Variants in RGS22 observed in about 807,000 individuals in gnomAD.
RGS22 encodes regulator of G protein signaling 22.
In RGS22, 148 loss-of-function variants were observed where a neutral mutation model predicts 172.9. The ratio of observed to expected loss-of-function variants is 0.86; its 90% confidence interval spans 0.75 to 0.98. The LOEUF (loss-of-function observed/expected upper bound fraction) is 0.98, where lower values mean the gene tolerates loss of function less well. Among genes scored for constraint, RGS22 ranks in the 50% least tolerant of loss-of-function variants. RGS22 has a pLI of 0.00. For missense variants in RGS22, 1,347 were observed against 1,440.8 expected (o/e 0.93, Z 1.05); for synonymous variants, 458 against 480.2 (o/e 0.95, Z 0.60).
chr8:99,983,167 G>A (rs914835866), intron 21 of RGS22, among the ~76,000 whole-genome samples: 5 of 152,082 alleles, frequency 3.3e-5, no homozygotes, highest in South Asian at 2.1e-4. Context: ...AGTCTTCCAC[G>A]GTGTATATGT....
chr8:100,018,455 G>T (rs1324867906), intron 14 of RGS22, among the ~76,000 whole-genome samples: 1 of 151,902 alleles, frequency 6.6e-6, no homozygotes, highest in Non-Finnish European at 1.5e-5. Context: ...CACAAAAGAG[G>T]GTAGGGGAAG....
intron 23 of RGS22, among the ~76,000 whole-genome samples, chr8:99,977,669 T>C (rs796773022): frequency 5.9e-5 from 9 of 152,326 alleles, no homozygotes; most frequent in African/African-American, 2.2e-4. Flanking sequence ...GGAACGTTAT[T>C]GCAGCGGATG....
At chr8:100,035,111 T>A (rs867865642) in intron 14 of RGS22, among the ~76,000 whole-genome samples, 2 of 151,972 alleles carry the variant, frequency 1.3e-5, no homozygotes, top group Admixed American at 1.3e-4. Flanking sequence ...ACAAATGGGA[T>A]CTAATTAAAC....
At chr8:100,096,370 G>T (rs1354471982) in intron 2 of RGS22, among the ~76,000 whole-genome samples, 2 of 152,176 alleles carry the variant, frequency 1.3e-5, no homozygotes, top group Non-Finnish European at 2.9e-5. Context: ...ATTCTCTGTT[G>T]AATGAAGGTA....
intron 13 of RGS22, among the ~76,000 whole-genome samples, chr8:100,039,485 T>C (rs1819876308): frequency 6.6e-6 from 1 of 151,606 alleles, no homozygotes; most frequent in African/African-American, 2.4e-5. Context: ...CAAGTGATTC[T>C]CCCACCTCAG....
At chr8:100,099,321 T>C (rs1813282021) in intron 2 of RGS22, among the ~76,000 whole-genome samples, 1 of 152,174 alleles carries the variant, frequency 6.6e-6, no homozygotes, top group Non-Finnish European at 1.5e-5. Context: ...TTTCTCCTTG[T>C]ACAAAGATAC....
intron 9 of RGS22, among the ~76,000 whole-genome samples, chr8:100,055,041 G>T (rs1822102572): frequency 1.3e-5 from 2 of 152,174 alleles, no homozygotes; most frequent in Admixed American, 6.5e-5. Context: ...CCTGACTCCT[G>T]GATGGCACCT....
At chr8:99,974,672 C>T (rs1418211032) in intron 23 of RGS22, among the ~76,000 whole-genome samples, 1 of 151,398 alleles carries the variant, frequency 6.6e-6, no homozygotes, top group African/African-American at 2.4e-5. Flanking sequence ...GCAACAGGTG[C>T]CTGTAATCTC....
chr8:100,078,714 C>T (rs1256770205), intron 4 of RGS22, among the ~76,000 whole-genome samples: 1 of 152,108 alleles, frequency 6.6e-6, no homozygotes, highest in Non-Finnish European at 1.5e-5. Context: ...CAGCCTTAAC[C>T]TCTCCAGGCT....
At chr8:99,973,242 T>TTGC (rs1375806197) in intron 23 of RGS22, among the ~76,000 whole-genome samples, 2 of 152,054 alleles carry the variant, frequency 1.3e-5, no homozygotes, top group African/African-American at 4.8e-5. Flanking sequence ...CTATTCACAA[T>TTGC]AGCAAAGACT....
chr8:100,008,524 C>T lies in RGS22; in HGVS notation c.2212G>A (p.Gly738Arg), dbSNP rs1245246325. 7 of 1,611,918 alleles carry T rather than the reference C, an allele frequency of 4.3e-6. No individual in the cohort carries two copies. The highest frequency in any genetic ancestry group is 1.7e-4 in the Middle Eastern group (1 of 6,054). Residue 738 changes from glycine to arginine, a missense_variant, in exon 15 of 28, where the codon GGA (glycine) becomes AGA (arginine). Transcript: ENST00000360863. ...YVAPSATLDIGLQQEKKKEIY... is the reference protein window; with the variant it reads ...YVAPSATLDIRLQQEKKKEIY... ...TCTTTTTTCTTTTCCTGTTGGAGTC[C>T]AATGTCAAGAGTGGCAGAAGGAGCA... is the stretch of plus-strand genomic sequence containing the variant.
In RGS22 at chr8:100,004,115, T is replaced by A; in HGVS notation, c.2455-17A>T. The A allele has an allele frequency of 6.4e-7, 1 of 1,569,662 alleles. No homozygotes were observed. The highest frequency in any genetic ancestry group is 8.6e-7 in the Non-Finnish European group (1 of 1,158,424). ...AGTGGTGTCCTAGTGAAATAGTACT[T>A]TTCAGCAAAAATCTCTTAAACACAA... On this transcript the variant is annotated splice_polypyrimidine_tract_variant and intron_variant, in intron 16 of 27. Transcript: ENST00000360863.
chr8:100,064,037 A>C lies in RGS22; in HGVS notation c.731T>G (p.Phe244Cys), dbSNP rs1810359203. 46 of 1,504,738 alleles carry C rather than the reference A, an allele frequency of 3.1e-5. No homozygotes were observed. Among genetic ancestry groups the C allele is most frequent in the Non-Finnish European group, 4.0e-5 (45 of 1,132,154 alleles). 93.2% of individuals were successfully genotyped at this position (1,504,738 alleles called of 1,614,324 possible). Residue 244 changes from phenylalanine (F) to cysteine (C), a missense_variant, in exon 8 of 28, where the codon TTT (phenylalanine) becomes TGT (cysteine). Phe to Cys is a radical substitution (Grantham distance 205). Coordinates refer to ENST00000360863, the MANE Select transcript of RGS22 (RefSeq NM_015668.5). Reference sequence around the variant, plus strand: ...AGGGTGAACTCCATCATCAAAGATAAAATTCTCTGTATTAAGTCATAAAAA... The same window carrying C: ...AGGGTGAACTCCATCATCAAAGATACAATTCTCTGTATTAAGTCATAAAAA... Reference protein sequence around the residue: ...SPAISSVSENFIFDDGVHPRT... With the variant: ...SPAISSVSENCIFDDGVHPRT...
chr8:99,996,031 T>C (rs1461257559), intron 20 of RGS22, among the ~76,000 whole-genome samples: 1 of 150,696 alleles, frequency 6.6e-6, no homozygotes, highest in Non-Finnish European at 1.5e-5. Context: ...AAACACTGCA[T>C]GTTATCACTC....
At chr8:100,018,960 GAATTT>G (rs1817310385) in intron 14 of RGS22, among the ~76,000 whole-genome samples, 1 of 144,072 alleles carries the variant, frequency 6.9e-6, no homozygotes, top group Admixed American at 7.1e-5. Context: ...TGTGTTTATT[GAATTT>G]ATTGTTTTTA....
At chr8:99,992,298 C>T (rs996565992) in intron 20 of RGS22, among the ~76,000 whole-genome samples, 22 of 151,998 alleles carry the variant, frequency 1.4e-4, no homozygotes, top group African/African-American at 2.7e-4. Flanking sequence ...GGCTAAATGC[C>T]GCAATTAAAA....
chr8:100,052,689 A>G, intron 10 of RGS22, 113 bp downstream of exon 10: 1 of 1,000,902 alleles, frequency 1.0e-6, no homozygotes, highest in Non-Finnish European at 1.5e-6. Flanking sequence ...CAGCTTGTAC[A>G]TTAGCAAAAA....
chr8:100,045,046 G>A (rs1277034568), intron 11 of RGS22, among the ~76,000 whole-genome samples: 1 of 151,994 alleles, frequency 6.6e-6, no homozygotes, highest in Non-Finnish European at 1.5e-5. Flanking sequence ...ACTTTGGGAG[G>A]TGGGAGGATT....
Position 99,998,749 on chromosome 8 carries a change from C to T in RGS22, c.2949+513G>A, listed in dbSNP as rs1350648404. Among the ~76,000 whole-genome samples, 12 of 152,246 alleles carry T rather than the reference C, an allele frequency of 7.9e-5. No homozygotes were observed. The South Asian group carries it at 1.2e-3, about 16-fold the overall frequency. Reference sequence around the variant, plus strand: ...CACTGTAACCTCGATCTCCTAGACTCGAGCAATCCTCCTCCTTCAGCCTTC... The same window carrying T: ...CACTGTAACCTCGATCTCCTAGACTTGAGCAATCCTCCTCCTTCAGCCTTC... On this transcript the variant is annotated intron_variant, in intron 19 of 27. Transcript: ENST00000360863.
Sources: gnomAD v4.1 joint callset for allele counts (sites outside exome capture counted in the v4.1 genomes callset) on GRCh38, gnomAD v4.1.1 for gene constraint, MANE v1.5 for transcripts, NCBI Gene and HGNC (gene_info 2026-07-23, HGNC 2026-07-21) for gene names.